Variants in WDPCP observed in about 807,000 individuals in gnomAD.
WDPCP encodes the protein WD repeat-containing and planar cell polarity effector protein fritz homolog.
Under a neutral mutation model 93.1 loss-of-function variants are expected in WDPCP, and 71 were observed. The ratio of observed to expected loss-of-function variants is 0.76; its 90% CI spans 0.63 to 0.93. The LOEUF is 0.93. Ranked by LOEUF, WDPCP falls within the 40% of genes least tolerant of loss-of-function variation. WDPCP has a pLI of 0.00. For synonymous variants in WDPCP, 315 were observed against 315.0 expected, an observed-to-expected ratio of 1.00 and a Z score of 0.00; for missense variants, 844 against 887.4, an observed-to-expected ratio of 0.95 and a Z score of 0.62.
At chr2:63,478,300 G>C (rs926761537) in intron 6 of WDPCP, among the ~76,000 whole-genome samples, 1 of 151,976 alleles carries the variant, frequency 6.6e-6, no homozygotes, top group African/African-American at 2.4e-5. Context: ...AGTCAAAAAA[G>C]AAACAGTGGA....
intron 13 of WDPCP, among the ~76,000 whole-genome samples, chr2:63,309,793 AAC>A (rs1323480626): frequency 1.7e-4 from 26 of 152,208 alleles, no homozygotes; most frequent in African/African-American, 5.1e-4. Flanking sequence ...ACAGAATTAA[AAC>A]AAAAAAAAAC....
chr2:63,666,777 C>T (rs1710288040), intron 2 of WDPCP, among the ~76,000 whole-genome samples: 1 of 152,104 alleles, frequency 6.6e-6, no homozygotes, highest in Non-Finnish European at 1.5e-5. Flanking sequence ...CGTGTCGGAA[C>T]CTTACCACAA....
chr2:63,385,223 T>C (rs545130219), intron 10 of WDPCP, among the ~76,000 whole-genome samples: 1 of 152,092 alleles, frequency 6.6e-6, no homozygotes, highest in Non-Finnish European at 1.5e-5. Flanking sequence ...CCACCGAAGA[T>C]TGGAAACAAA....
intron 2 of WDPCP, among the ~76,000 whole-genome samples, chr2:63,794,112 G>A (rs1254535413): frequency 6.6e-6 from 1 of 152,104 alleles, no homozygotes; most frequent in African/African-American, 2.4e-5. Flanking sequence ...TGCAAAAAAA[G>A]ACATATTCCA....
chr2:63,591,345 A>G (rs964987040), upstream of WDPCP, among the ~76,000 whole-genome samples: 1 of 152,250 alleles, frequency 6.6e-6, no homozygotes, highest in Non-Finnish European at 1.5e-5. Context: ...TCAGACATTC[A>G]AACACTAAGC....
Position 63,551,088 on chromosome 2 carries a change from G to T in WDPCP, c.75+37109C>A, listed in dbSNP as rs541667141. Among the ~76,000 whole-genome samples the T allele has an allele frequency of 2.0e-4, 30 of 152,132 alleles. 1 individual carries two copies. The highest frequency in any genetic ancestry group is 1.6e-3 in the Admixed American group (24 of 15,272). ...CTACCTTATAAATGTCTTTCAAAAT[G>T]ATCTAAATCTCTTCTCTGAAATATC... On this transcript the variant is annotated intron_variant, in intron 1 of 17. Transcript: ENST00000272321.
At chr2:63,540,988 G>A (rs567653829) in intron 1 of WDPCP, among the ~76,000 whole-genome samples, 3 of 149,278 alleles carry the variant, frequency 2.0e-5, no homozygotes, top group Admixed American at 6.7e-5. Flanking sequence ...TTGTTTTTTT[G>A]TTTTCTGGTA....
intron 14 of WDPCP, among the ~76,000 whole-genome samples, chr2:63,189,870 T>G (rs548016851): frequency 8.5e-5 from 13 of 152,204 alleles, no homozygotes; most frequent in Non-Finnish European, 1.5e-4. Context: ...ATTGTACTCT[T>G]TGCTATTCAG....
In WDPCP at chr2:63,610,154, T is replaced by C. The variant is rs546665721; in HGVS notation, n.488+40505A>G. On this transcript the variant is annotated intron_variant and non_coding_transcript_variant, in intron 3 of 4. Coordinates refer to the WDPCP transcript ENST00000467687. ...TGTGTCTTCAAGCAGCATGATAATA[T>C]GTGAAAAGCCTATGCCTTTCCTAAG... 1.2e-4 allele frequency among the ~76,000 whole-genome samples: 18 copies of C among 152,356 alleles called. No individual in the cohort carries two copies. The South Asian group carries it at 2.7e-3, about 23-fold the overall frequency.
At chr2:63,788,680 A>G (rs1670502843) in intron 2 of WDPCP, among the ~76,000 whole-genome samples, 1 of 152,256 alleles carries the variant, frequency 6.6e-6, no homozygotes, top group African/African-American at 2.4e-5. Context: ...TGATTTAAAA[A>G]AAGAAATAAA....
At position 63,313,264 on chromosome 2, in the gene WDPCP, G is replaced by A. The variant is rs1265346351; in HGVS notation, c.1796C>T (p.Ala599Val). 6.2e-7 allele frequency: 1 copy of A among 1,613,646 alleles called. No individual in the cohort carries two copies. Among genetic ancestry groups the A allele is most frequent in the Admixed American group, 1.7e-5 (1 of 60,002 alleles). The change falls in exon 13 of 18, where the codon GCT becomes GTT. Residue 599 changes from alanine (A) to valine (V), a missense_variant. Transcript: ENST00000272321. ...KAFLLAVDVG[A>V]RDLFMDIHYL... is the part of the protein sequence containing the mutation. ...ATGACTCACCATAAAGAGGTCACGAGCACCAACGTCAACAGCTAGGAGAAA... is the reference window on the plus strand; with the variant it reads ...ATGACTCACCATAAAGAGGTCACGAACACCAACGTCAACAGCTAGGAGAAA...
chr2:63,205,531 A>G (rs1389490485), intron 14 of WDPCP, among the ~76,000 whole-genome samples: 2 of 152,156 alleles, frequency 1.3e-5, no homozygotes, highest in African/African-American at 4.8e-5. Context: ...TTCATTATAC[A>G]GATCTTTCAC....
intron 12 of WDPCP, among the ~76,000 whole-genome samples, chr2:63,321,249 G>A (rs1687057364): frequency 6.6e-6 from 1 of 151,858 alleles, no homozygotes; most frequent in Non-Finnish European, 1.5e-5. Context: ...AGTAATAGAT[G>A]ATCTCTATAT....
chr2:63,257,011 G>A (rs971498871), intron 14 of WDPCP, among the ~76,000 whole-genome samples: 1 of 152,136 alleles, frequency 6.6e-6, no homozygotes, highest in East Asian at 1.9e-4. Flanking sequence ...TGTTCACTTT[G>A]TGAAATTCAT....
At chr2:63,370,851 T>C (rs1231458439) in intron 12 of WDPCP, among the ~76,000 whole-genome samples, 2 of 152,250 alleles carry the variant, frequency 1.3e-5, no homozygotes, top group African/African-American at 4.8e-5. Flanking sequence ...AAAGAAGAAA[T>C]GTTTAGCTTT....
At chr2:63,184,289 GTAAC>G (rs1440018473) in intron 14 of WDPCP, among the ~76,000 whole-genome samples, 1 of 151,762 alleles carries the variant, frequency 6.6e-6, no homozygotes, top group Non-Finnish European at 1.5e-5. Flanking sequence ...CCTCCTTTGT[GTAAC>G]TAACTGTTTT....
At chr2:63,766,107 G>A (rs1038692471) in intron 2 of WDPCP, among the ~76,000 whole-genome samples, 1 of 152,214 alleles carries the variant, frequency 6.6e-6, no homozygotes, top group Non-Finnish European at 1.5e-5. Context: ...TGTAATGGAT[G>A]AGTGGAGGTA....
At chr2:63,583,596 G>A (rs1244296837) in intron 1 of WDPCP, among the ~76,000 whole-genome samples, 2 of 151,178 alleles carry the variant, frequency 1.3e-5, no homozygotes, top group Non-Finnish European at 2.9e-5. Context: ...CAGAAGAATT[G>A]CTTGAACCCA....
chr2:63,597,235 G>A (rs1256367108), intron 3 of WDPCP: 1 of 952,424 alleles, frequency 1.0e-6, no homozygotes, highest in African/African-American at 1.8e-5. Context: ...TGTTATGATT[G>A]TTAAATTAAT....
Sources: gnomAD v4.1 joint callset for allele counts (sites outside exome capture counted in the v4.1 genomes callset) on GRCh38, gnomAD v4.1.1 for gene constraint, MANE v1.5 for transcripts, NCBI Gene and HGNC (gene_info 2026-07-23, HGNC 2026-07-21) for gene names.